The following HBS1L variants were observed in gnomAD, a reference collection of about 807,000 sequenced individuals.
HBS1L encodes HBS1-like protein.
Under a neutral mutation model 88.9 loss-of-function variants are expected in HBS1L, and 55 were observed. The observed-to-expected ratio is 0.62, with a 90% CI of 0.50 to 0.77. HBS1L has a LOEUF of 0.77. Among genes scored for constraint, HBS1L ranks in the 30% least tolerant of loss-of-function variants. HBS1L has a pLI of 0.00. For missense variants in HBS1L, 741 were observed against 829.3 expected, an observed-to-expected ratio of 0.89 and a Z score of 1.31; for synonymous variants, 267 against 288.5, an observed-to-expected ratio of 0.93 and a Z score of 0.76.
At chr6:135,017,810 T>C (rs13200050) in intron 4 of HBS1L, among the ~76,000 whole-genome samples, 1 of 151,978 alleles carries the variant, frequency 6.6e-6, no homozygotes, top group Non-Finnish European at 1.5e-5. Context: ...TCTGACATTG[T>C]GAAAAGGTGA....
At chr6:135,047,902 C>A (rs1175549970) in intron 2 of HBS1L, among the ~76,000 whole-genome samples, 1 of 152,154 alleles carries the variant, frequency 6.6e-6, no homozygotes, top group African/African-American at 2.4e-5. Flanking sequence ...CCCCAAAGGG[C>A]AAATGCCTAG....
At chr6:135,043,439 A>C (rs1291592679) in intron 2 of HBS1L, among the ~76,000 whole-genome samples, 1 of 152,206 alleles carries the variant, frequency 6.6e-6, no homozygotes, top group African/African-American at 2.4e-5. Context: ...AATCACATTG[A>C]GGGGTAGAGA....
intron 1 of HBS1L, 33 bp from the exon 2 acceptor site, chr6:135,050,680 A>G (rs1262998108): frequency 2.2e-6 from 3 of 1,380,220 alleles, no homozygotes; most frequent in East Asian, 2.4e-5. Context: ...AAATTCATTT[A>G]CAAGTTCTTT....
At chr6:134,989,619 C>G (rs1461389737) in intron 8 of HBS1L, among the ~76,000 whole-genome samples, 2 of 152,182 alleles carry the variant, frequency 1.3e-5, no homozygotes, top group African/African-American at 4.8e-5. Context: ...CAGATACTTT[C>G]TTACAACAGA....
chr6:134,979,286 C>T lies in HBS1L; in HGVS notation c.1598-18G>A. On this transcript the variant is annotated intron_variant, in intron 13 of 17. Coordinates refer to ENST00000367837, the MANE Select transcript of HBS1L (RefSeq NM_006620.4). ...AGTGATTCCTGGAAATGAGTAAGAA[C>T]CAAAGCATACAGTGAAACACCTCGA... The T allele has an allele frequency of 6.3e-7, 1 of 1,588,244 alleles. No homozygotes were observed.
intron 2 of HBS1L, among the ~76,000 whole-genome samples, chr6:135,047,825 C>T (rs917598291): frequency 6.6e-6 from 1 of 152,184 alleles, no homozygotes; most frequent in African/African-American, 2.4e-5. Flanking sequence ...GATAGCACTA[C>T]CAGACATCAC....
chr6:135,048,831 T>C lies in HBS1L; in HGVS notation c.109+1751A>G, dbSNP rs150137935. Reference sequence around the variant, plus strand: ...GAGGAAAAGCCATGATTAAGCTAAATGAGAAAAGTACTTGACCAGAAGAGC... The same window carrying C: ...GAGGAAAAGCCATGATTAAGCTAAACGAGAAAAGTACTTGACCAGAAGAGC... On this transcript the variant is annotated intron_variant, in intron 2 of 17. Coordinates refer to ENST00000367837, the MANE Select transcript of HBS1L (RefSeq NM_006620.4). 8.5e-3 allele frequency among the ~76,000 whole-genome samples: 1,294 copies of C among 152,220 alleles called. 10 individuals are homozygous for C. Among genetic ancestry groups the C allele is most frequent in the African/African-American group, 0.03 (1,231 of 41,522 alleles).
Position 134,962,307 on chromosome 6 carries a change from G to C in HBS1L, c.*2972C>G, listed in dbSNP as rs1453913936. 2.0e-5 allele frequency: 3 copies of C among 152,018 alleles called. No homozygotes were observed. The highest frequency in any genetic ancestry group is 2.9e-5 in the Non-Finnish European group (2 of 68,002). The allele number at this position is 152,018 out of a possible 1,614,324, so 9.4% of individuals were successfully genotyped here. A position where few individuals can be genotyped will look rare whatever the true frequency, so the allele number is the denominator to read the frequency against. Reference sequence around the variant, plus strand: ...TACATAACAACATGAAAATAACTTGGCTAACGCTCACAACTATGTAAAAAA... The same window carrying C: ...TACATAACAACATGAAAATAACTTGCCTAACGCTCACAACTATGTAAAAAA... On this transcript the variant is annotated 3_prime_UTR_variant, in exon 18 of 18. Transcript: ENST00000367837.
chr6:135,034,754 T>A (rs1476816306), intron 4 of HBS1L, among the ~76,000 whole-genome samples: 1 of 152,240 alleles, frequency 6.6e-6, no homozygotes, highest in Non-Finnish European at 1.5e-5. Context: ...CTAAGTAGCA[T>A]TTTTCCTTGG....
chr6:135,024,959 G>A (rs1562303298), intron 4 of HBS1L, among the ~76,000 whole-genome samples: 1 of 152,056 alleles, frequency 6.6e-6, no homozygotes, highest in African/African-American at 2.4e-5. Flanking sequence ...ACCATTATAC[G>A]TAAGCTCCTA....
chr6:135,039,698 A>C lies in HBS1L; in HGVS notation c.305T>G (p.Ile102Ser). Residue 102 changes from isoleucine (I) to serine (S), a missense_variant, in exon 4 of 18, where the codon ATT becomes AGT. Physicochemically the swap from Ile to Ser is moderately radical, Grantham distance 142. Transcript: ENST00000367837. Reference sequence around the variant, plus strand: ...AAACTTGTTCTTCAGAACTGCTTCAATTAATATTTCATCTGGCACAGCATC... The same window carrying C: ...AAACTTGTTCTTCAGAACTGCTTCACTTAATATTTCATCTGGCACAGCATC... ...LGDAVPDEIL[I>S]EAVLKNKFDV... 4 of 1,614,050 alleles carry C rather than the reference A, an allele frequency of 2.5e-6. No homozygotes were observed. The highest frequency in any genetic ancestry group is 2.5e-6 in the Non-Finnish European group (3 of 1,179,996).
intron 4 of HBS1L, chr6:135,035,806 G>GAAGCTAA (rs879203501): frequency 4.3e-6 from 1 of 233,612 alleles, no homozygotes; most frequent in East Asian, 2.2e-4. Context: ...AGCAGCAGCA[G>GAAGCTAA]AAGCTAAAGA....
intron 4 of HBS1L, among the ~76,000 whole-genome samples, chr6:135,028,736 C>A (rs1048419087): frequency 1.3e-5 from 2 of 152,064 alleles, no homozygotes; most frequent in African/African-American, 4.8e-5. Flanking sequence ...TAGAACAATA[C>A]TAGAAAATCT....
At chr6:135,043,298 A>G (rs1776806362) in intron 2 of HBS1L, among the ~76,000 whole-genome samples, 1 of 152,244 alleles carries the variant, frequency 6.6e-6, no homozygotes, top group Non-Finnish European at 1.5e-5. Flanking sequence ...TCAAAAGGCA[A>G]GGTATTATTA....
At chr6:134,996,457 T>C (rs1014813897) in intron 7 of HBS1L, among the ~76,000 whole-genome samples, 1 of 152,200 alleles carries the variant, frequency 6.6e-6, no homozygotes, top group African/African-American at 2.4e-5. Context: ...CAAGACAATT[T>C]GACAAATACT....
rs756842062 is a variant in HBS1L at position 134,987,811 on chromosome 6, G to C, written c.1084-20C>G. 3 of 1,551,498 alleles carry C rather than the reference G, an allele frequency of 1.9e-6. No individual in the cohort carries two copies. Among genetic ancestry groups the C allele is most frequent in the Non-Finnish European group, 2.6e-6 (3 of 1,150,526 alleles). On this transcript the variant is annotated intron_variant, in intron 8 of 17. Transcript: ENST00000367837. ...ATCCGCCTAAAGAAGAAAAATAATC[G>C]AAGCCAGAAATAATGTTTCAGCATT...
In HBS1L at chr6:134,965,281, A is replaced by T; in HGVS notation, c.2053T>A (p.Ter685ArgextTer14). The change falls in exon 18 of 18, where the codon TGA (stop) becomes AGA (arginine). Residue 685 changes from the stop codon to arginine (R), a stop_lost. Transcript: ENST00000367837. ...AACGTGGTAGAAATTCTGACCCATC[A>T]TTCTTTTATCTGTTAAAACAAAAAA... ...AAGVVTEIKE* is the reference protein window; with the variant it reads ...AAGVVTEIKER The T allele has an allele frequency of 6.4e-7, 1 of 1,568,650 alleles. No individual in the cohort carries two copies. The highest frequency in any genetic ancestry group is 8.7e-7 in the Non-Finnish European group (1 of 1,145,342).
chr6:135,036,603 A>G (rs946233699), intron 4 of HBS1L: 2 of 1,534,294 alleles, frequency 1.3e-6, no homozygotes, highest in South Asian at 1.2e-5. Flanking sequence ...TTACAATGTC[A>G]TCAGGTGATG....
chr6:134,993,891 A>T lies in HBS1L; in HGVS notation c.966-16T>A. 7.9e-7 allele frequency: 1 copy of T among 1,258,218 alleles called. No individual in the cohort carries two copies. Among genetic ancestry groups the T allele is most frequent in the Non-Finnish European group, 1.2e-6 (1 of 866,292 alleles). 77.9% of individuals were successfully genotyped at this position (1,258,218 alleles called of 1,614,324 possible). On this transcript the variant is annotated splice_polypyrimidine_tract_variant and intron_variant, in intron 7 of 17. Transcript: ENST00000367837. The stretch of plus-strand genomic sequence containing the variant: ...GGTTACTCCCCTTAAACAAAACATA[A>T]CATGGTTAGAATGTACGATATAAAT...
Sources: allele counts gnomAD v4.1 joint callset (sites outside exome capture counted in the v4.1 genomes callset), GRCh38; gene constraint gnomAD v4.1.1; transcripts MANE v1.5; gene names NCBI Gene and HGNC (gene_info 2026-07-23, HGNC 2026-07-21).